RBFOX1: variants seen among roughly 807,000 people sequenced by gnomAD.
The protein encoded by RBFOX1 is RNA binding protein fox-1 homolog 1.
RBFOX1 carries 8 observed loss-of-function variants against 57.7 expected under a neutral mutation model. That is an observed-to-expected ratio of 0.14 (90% CI 0.08 to 0.25). RBFOX1 has a LOEUF of 0.25. RBFOX1 is among the 10% of genes least tolerant of loss of function. The probability of loss-of-function intolerance (pLI) is 1.00; values close to 1 mark genes in which losing one functional copy is unlikely to be tolerated. For missense variants in RBFOX1, 611 were observed against 548.5 expected (o/e 1.11, Z -1.14); for synonymous variants, 326 against 222.4 (o/e 1.47, Z -4.15).
intron 2 of RBFOX1, among the ~76,000 whole-genome samples, chr16:6,487,737 ATATATATATATATATAT>A (rs2095536018): frequency 1.8e-5 from 1 of 56,608 alleles, no homozygotes; most frequent in African/African-American, 5.6e-5. Flanking sequence ...ATATATATAT[ATATATATATATATATAT>A]AAAATATTAT....
intron 2 of RBFOX1, among the ~76,000 whole-genome samples, chr16:6,555,597 G>C (rs2153890843): frequency 6.6e-6 from 1 of 152,236 alleles, no homozygotes; most frequent in South Asian, 2.1e-4. Flanking sequence ...CTACTCAGGA[G>C]GCTGAGGCAG....
chr16:6,630,762 G>A (rs2098375162), intron 2 of RBFOX1, among the ~76,000 whole-genome samples: 1 of 152,136 alleles, frequency 6.6e-6, no homozygotes, highest in African/African-American at 2.4e-5. Flanking sequence ...ACCATGAGAA[G>A]GAGGTTGAAA....
intron 1 of RBFOX1, among the ~76,000 whole-genome samples, chr16:6,052,342 T>C (rs1259240559): frequency 6.6e-6 from 1 of 152,156 alleles, no homozygotes; most frequent in African/African-American, 2.4e-5. Flanking sequence ...ATGCCAAGGC[T>C]CTCTTCAGAT....
At chr16:7,672,879 A>AAAAAAAAAAAAAAAAAAAAAAAAAAAT (rs2071986888) in intron 13 of RBFOX1, among the ~76,000 whole-genome samples, 1 of 149,812 alleles carries the variant, frequency 6.7e-6, no homozygotes, top group African/African-American at 2.5e-5. Flanking sequence ...AAAAAAAAAA[A>AAAAAAAAAAAAAAAAAAAAAAAAAAAT]AAAAAAAAAG....
chr16:7,305,616 G>T (rs2096162683), intron 4 of RBFOX1, among the ~76,000 whole-genome samples: 1 of 152,106 alleles, frequency 6.6e-6, no homozygotes, highest in Admixed American at 6.6e-5. Flanking sequence ...TCTTCCCCAA[G>T]ACCCTCAATT....
At chr16:5,408,646 A>G (rs1269484080) in intron 1 of RBFOX1, among the ~76,000 whole-genome samples, 1 of 152,208 alleles carries the variant, frequency 6.6e-6, no homozygotes, top group African/African-American at 2.4e-5. Flanking sequence ...GGTAATTTAT[A>G]AAGAAAAGAG....
intron 3 of RBFOX1, among the ~76,000 whole-genome samples, chr16:5,716,571 G>A (rs2051708800): frequency 6.6e-6 from 1 of 152,222 alleles, no homozygotes; most frequent in Non-Finnish European, 1.5e-5. Context: ...TGTGGGCGAG[G>A]TTTGGAGAAA....
At chr16:7,164,337 T>C (rs1023908110) in intron 4 of RBFOX1, among the ~76,000 whole-genome samples, 1 of 152,202 alleles carries the variant, frequency 6.6e-6, no homozygotes, top group African/African-American at 2.4e-5. Context: ...GGTCTGTATA[T>C]ACCACATTTT....
In RBFOX1 at chr16:6,829,371, A is replaced by G. The variant is rs2092507455; in HGVS notation, c.-16+174721A>G. ...GGAAGTAAATTCAATGTGTACACAC[A>G]CATACATACACAGACACACATAGAT... On this transcript the variant is annotated intron_variant, in intron 3 of 15. Transcript: ENST00000550418. 3.3e-5 allele frequency among the ~76,000 whole-genome samples: 5 copies of G among 152,142 alleles called. No homozygotes were observed. The South Asian group carries it at 1.0e-3, about 32-fold the overall frequency.
intron 4 of RBFOX1, among the ~76,000 whole-genome samples, chr16:7,363,868 C>A: frequency 6.6e-6 from 1 of 152,066 alleles, no homozygotes; most frequent in Non-Finnish European, 1.5e-5. Context: ...AGGGACGGGG[C>A]TGCTTAGCAC....
chr16:7,397,612 A>G (rs1300518647), intron 4 of RBFOX1, among the ~76,000 whole-genome samples: 2 of 152,234 alleles, frequency 1.3e-5, no homozygotes, highest in Non-Finnish European at 2.9e-5. Flanking sequence ...AATACTTTTC[A>G]ATGTAACATC....
At chr16:6,317,961 A>G (rs996351105) in intron 2 of RBFOX1, among the ~76,000 whole-genome samples, 1 of 152,174 alleles carries the variant, frequency 6.6e-6, no homozygotes, top group African/African-American at 2.4e-5. Flanking sequence ...GTATAATTTG[A>G]TACATCAAAT....
intron 3 of RBFOX1, among the ~76,000 whole-genome samples, chr16:6,991,026 G>C (rs2091336810): frequency 6.6e-6 from 1 of 151,514 alleles, no homozygotes; most frequent in Non-Finnish European, 1.5e-5. Flanking sequence ...TTCTGGCCAG[G>C]CGTGGTGGCT....
chr16:7,102,487 T>C (rs575108035), intron 4 of RBFOX1, among the ~76,000 whole-genome samples: 3 of 152,326 alleles, frequency 2.0e-5, no homozygotes, highest in Admixed American at 6.5e-5. Context: ...TGAGATTTAA[T>C]AGAGACCAAA....
intron 5 of RBFOX1, among the ~76,000 whole-genome samples, chr16:7,545,567 A>G (rs904458742): frequency 6.6e-5 from 10 of 152,162 alleles, no homozygotes; most frequent in African/African-American, 2.4e-4. Flanking sequence ...GCTTAGGTAG[A>G]ATGCTACTGC....
rs191348010 is a variant in RBFOX1 at position 7,038,874 on chromosome 16, A to C, written c.-15-13183A>C. Among the ~76,000 whole-genome samples the C allele has an allele frequency of 3.3e-5, 5 of 152,252 alleles. No homozygotes were observed. The East Asian group carries it at 9.7e-4, about 29-fold the overall frequency. ...GAAAAGCACTTCCTCCCAAGAAAAC[A>C]CCTCATTAAAACGTGTAATTTGAGG... is the stretch of plus-strand genomic sequence containing the variant. On this transcript the variant is annotated intron_variant, in intron 3 of 15. Transcript: ENST00000550418.
At position 6,373,861 on chromosome 16, in the gene RBFOX1, G is replaced by A. The variant is rs538137392; in HGVS notation, c.-64+56804G>A. ...ATACTTCTGTACTCATTGCATTCAGGTGCTGTTTAAGAAGTTATTTTGGTT... is the reference window on the plus strand; with the variant it reads ...ATACTTCTGTACTCATTGCATTCAGATGCTGTTTAAGAAGTTATTTTGGTT... On this transcript the variant is annotated intron_variant, in intron 2 of 15. Coordinates refer to ENST00000550418, the MANE Select transcript of RBFOX1 (RefSeq NM_018723.4). Among the ~76,000 whole-genome samples, 15 of 152,198 alleles carry A rather than the reference G, an allele frequency of 9.9e-5. No homozygotes were observed. In the South Asian group the frequency reaches 2.1e-3, roughly 21 times the overall value.
chr16:5,750,443 T>A (rs2053153607), intron 3 of RBFOX1, among the ~76,000 whole-genome samples: 1 of 152,226 alleles, frequency 6.6e-6, no homozygotes, highest in African/African-American at 2.4e-5. Context: ...ACCTTTTGTT[T>A]GGCTATGCCG....
chr16:7,709,154 C>A, intron 15 of RBFOX1, 23 bp downstream of exon 15: 1 of 1,581,278 alleles, frequency 6.3e-7, no homozygotes, highest in Non-Finnish European at 8.7e-7. Context: ...TTCTCCTTGT[C>A]CTCACTTCCT....
Sources: gnomAD v4.1 joint callset for allele counts (sites outside exome capture counted in the v4.1 genomes callset) on GRCh38, gnomAD v4.1.1 for gene constraint, MANE v1.5 for transcripts, NCBI Gene and HGNC (gene_info 2026-07-23, HGNC 2026-07-21) for gene names.